SHANK2: variants seen among roughly 807,000 people sequenced by gnomAD.
SHANK2 encodes SH3 and multiple ankyrin repeat domains protein 2.
Under a neutral mutation model 133.7 loss-of-function variants are expected in SHANK2, and 43 were observed. That is an observed-to-expected ratio of 0.32 (90% CI 0.25 to 0.41). The LOEUF is 0.41. Among genes scored for constraint, SHANK2 ranks in the 10% least tolerant of loss-of-function variants. The pLI is 1.00. For missense variants in SHANK2, 1,994 were observed against 2,235.8 expected (o/e 0.89, Z 2.18); for synonymous variants, 1,017 against 952.8 (o/e 1.07, Z -1.24).
chr11:70,851,824 C>T (rs782036217), intron 11 of SHANK2, among the ~76,000 whole-genome samples: 4 of 151,974 alleles, frequency 2.6e-5, no homozygotes, highest in Admixed American at 6.6e-5. Flanking sequence ...TTGGACCATG[C>T]GTGGAGGTTC....
intron 2 of SHANK2, among the ~76,000 whole-genome samples, chr11:71,185,112 C>T (rs1269617461): frequency 6.6e-6 from 1 of 152,136 alleles, no homozygotes; most frequent in African/African-American, 2.4e-5. Flanking sequence ...CCGGTGGGGG[C>T]CTCAGCAACA....
chr11:70,580,677 C>T (rs1345049828), intron 17 of SHANK2, among the ~76,000 whole-genome samples: 1 of 152,218 alleles, frequency 6.6e-6, no homozygotes, highest in East Asian at 1.9e-4. Flanking sequence ...GAGCCACTTC[C>T]TCCCACTCTT....
At chr11:70,747,697 G>T (rs1044874203) in intron 14 of SHANK2, among the ~76,000 whole-genome samples, 2 of 152,220 alleles carry the variant, frequency 1.3e-5, no homozygotes, top group Admixed American at 1.3e-4. Context: ...ACATGAGTAT[G>T]TATGTGTGTG....
At chr11:71,065,456 T>G in intron 9 of SHANK2, among the ~76,000 whole-genome samples, 1 of 63,062 alleles carries the variant, frequency 1.6e-5, no homozygotes, top group Non-Finnish European at 3.0e-5. Flanking sequence ...AGTGGGGAAG[T>G]TGGGGGGTGT....
At chr11:71,174,769 C>T (rs1356692269) in intron 2 of SHANK2, 1 of 151,966 alleles carries the variant, frequency 6.6e-6, no homozygotes, top group Non-Finnish European at 1.5e-5. Context: ...AGGAGAATTG[C>T]TTGAGTCTAG....
At chr11:70,616,069 A>C (rs540999653) in intron 17 of SHANK2, among the ~76,000 whole-genome samples, 1 of 152,154 alleles carries the variant, frequency 6.6e-6, no homozygotes, top group South Asian at 2.1e-4. Flanking sequence ...TCCTCCCTTC[A>C]CTGTCCTTGC....
chr11:70,649,197 G>A (rs1026069392), intron 17 of SHANK2, among the ~76,000 whole-genome samples: 1 of 152,198 alleles, frequency 6.6e-6, no homozygotes, highest in East Asian at 1.9e-4. Context: ...CACATGCCCA[G>A]GACCGTCCCT....
At chr11:70,512,450 G>A (rs1456271362) in intron 17 of SHANK2, among the ~76,000 whole-genome samples, 5 of 152,096 alleles carry the variant, frequency 3.3e-5, no homozygotes, top group African/African-American at 1.2e-4. Context: ...TCTATTCATA[G>A]CTTAAACTCT....
At chr11:70,888,992 T>A (rs374697236) in intron 11 of SHANK2, among the ~76,000 whole-genome samples, 64 of 152,240 alleles carry the variant, frequency 4.2e-4, no homozygotes, top group Middle Eastern at 3.4e-3. Context: ...GGTAACAGCC[T>A]GAGAAGACAA....
chr11:70,865,898 C>T (rs1555068921), intron 11 of SHANK2, among the ~76,000 whole-genome samples: 1 of 152,216 alleles, frequency 6.6e-6, no homozygotes, highest in East Asian at 1.9e-4. Context: ...GCCCACAGTG[C>T]TGCCCTTCCT....
At chr11:70,614,318 T>TG in intron 17 of SHANK2, among the ~76,000 whole-genome samples, 1 of 129,674 alleles carries the variant, frequency 7.7e-6, no homozygotes, top group Non-Finnish European at 1.7e-5. Flanking sequence ...GTGGGTTTTG[T>TG]TTTTTTTTTT....
At chr11:70,909,261 G>A (rs1950154183) in intron 10 of SHANK2, among the ~76,000 whole-genome samples, 1 of 152,182 alleles carries the variant, frequency 6.6e-6, no homozygotes, top group African/African-American at 2.4e-5. Context: ...TGGGACCCTG[G>A]GGCTAGAAAG....
intron 2 of SHANK2, among the ~76,000 whole-genome samples, chr11:71,153,324 G>A (rs1555108475): frequency 1.3e-5 from 2 of 152,018 alleles, no homozygotes; most frequent in Non-Finnish European, 2.9e-5. Context: ...AAAACCCCAG[G>A]TCCATGAACT....
intron 17 of SHANK2, among the ~76,000 whole-genome samples, chr11:70,614,309 T>TG (rs2060707903): frequency 8.0e-6 from 1 of 124,794 alleles, no homozygotes; most frequent in Admixed American, 8.3e-5. Context: ...AGACAGTCTG[T>TG]GGGTTTTGTT....
chr11:71,251,031 T>C (rs1161006904), intron 1 of SHANK2, among the ~76,000 whole-genome samples: 7 of 152,154 alleles, frequency 4.6e-5, no homozygotes, highest in Non-Finnish European at 7.4e-5. Context: ...GGATGGCCTC[T>C]GAGGACGCCC....
chr11:71,138,831 G>C (rs1481847527), intron 3 of SHANK2, among the ~76,000 whole-genome samples: 3 of 146,280 alleles, frequency 2.1e-5, no homozygotes, highest in East Asian at 2.0e-4. Context: ...AAAAGAAAAA[G>C]AAAAATCTGA....
intron 17 of SHANK2, among the ~76,000 whole-genome samples, chr11:70,608,970 C>A (rs1264943037): frequency 6.6e-6 from 1 of 152,256 alleles, no homozygotes; most frequent in Non-Finnish European, 1.5e-5. Context: ...TCAGAGAGAG[C>A]TCGCTCCTCG....
At chr11:70,651,852 T>C (rs1458224063) in intron 17 of SHANK2, among the ~76,000 whole-genome samples, 5 of 152,222 alleles carry the variant, frequency 3.3e-5, no homozygotes. Context: ...GGTTATTAAG[T>C]AGCCATTCAA....
At chr11:70,878,135 G>A (rs1031670794) in intron 11 of SHANK2, among the ~76,000 whole-genome samples, 3 of 152,158 alleles carry the variant, frequency 2.0e-5, no homozygotes, top group East Asian at 3.9e-4. Flanking sequence ...TATGGCCTTC[G>A]CTCTGTGGAT....
Sources: allele counts gnomAD v4.1 joint callset (sites outside exome capture counted in the v4.1 genomes callset), GRCh38; gene constraint gnomAD v4.1.1; transcripts MANE v1.5; gene names NCBI Gene and HGNC (gene_info 2026-07-23, HGNC 2026-07-21).